Variants in FGFR2 observed in about 807,000 individuals in gnomAD.
FGFR2 encodes BEK fibroblast growth factor receptor.
In FGFR2, 19 loss-of-function variants were observed where a neutral mutation model predicts 95.9. That is an observed-to-expected ratio of 0.20 (90% CI 0.14 to 0.29). The LOEUF (loss-of-function observed/expected upper bound fraction) is 0.29. Among genes scored for constraint, FGFR2 ranks in the 10% least tolerant of loss-of-function variants. FGFR2 has a pLI of 1.00. For synonymous variants in FGFR2, 392 were observed against 393.3 expected, an observed-to-expected ratio of 1.00 and a Z score of 0.04; for missense variants, 707 against 1,056.9, an observed-to-expected ratio of 0.67 and a Z score of 4.59.
chr10:121,551,207 G>GA (rs1855357040), intron 5 of FGFR2, 83 bp downstream of exon 5: 1 of 1,488,036 alleles, frequency 6.7e-7, no homozygotes, highest in South Asian at 1.2e-5. Flanking sequence ...GCGACAGAGC[G>GA]AGACTCCATC....
At chr10:121,525,628 A>G (rs199737819) in intron 6 of FGFR2, among the ~76,000 whole-genome samples, 1 of 5,190 alleles carries the variant, frequency 1.9e-4, no homozygotes, top group Non-Finnish European at 0.018. Context: ...ATTGAGGGAG[A>G]GAGAGAGAGA....
intron 5 of FGFR2, among the ~76,000 whole-genome samples, chr10:121,542,123 CATTAAACAGTT>C (rs1376761623): frequency 2.0e-5 from 3 of 152,036 alleles, no homozygotes; most frequent in Non-Finnish European, 4.4e-5. Flanking sequence ...GGTAAGGTAT[CATTAAACAGTT>C]ATTGATAAAT....
chr10:121,495,455 GAGGTCAAGGC>G (rs1846667073), intron 13 of FGFR2, among the ~76,000 whole-genome samples: 2 of 152,184 alleles, frequency 1.3e-5, no homozygotes, highest in Non-Finnish European at 2.9e-5. Context: ...CTGAACCCAG[GAGGTCAAGGC>G]TGCAGTGAGC....
At chr10:121,583,814 C>T (rs1172381550) in intron 2 of FGFR2, among the ~76,000 whole-genome samples, 1 of 151,804 alleles carries the variant, frequency 6.6e-6, no homozygotes, top group Admixed American at 6.5e-5. Flanking sequence ...TACACCAACA[C>T]ATTCACCCAA....
chr10:121,513,480 G>GA (rs1201914500), intron 9 of FGFR2, among the ~76,000 whole-genome samples: 2 of 152,048 alleles, frequency 1.3e-5, no homozygotes, highest in Non-Finnish European at 2.9e-5. Context: ...AACAGTTGCA[G>GA]AAAAAAAGAT....
At chr10:121,534,091 CTTTTTTTTTTTTT>C (rs1022674124) in intron 6 of FGFR2, among the ~76,000 whole-genome samples, 5 of 92,118 alleles carry the variant, frequency 5.4e-5, no homozygotes, top group Admixed American at 2.9e-4. Flanking sequence ...CCCAAAATGG[CTTTTTTTTTTTTT>C]TTTTTTTTTT....
chr10:121,555,828 GACA>G (rs1386226063), intron 4 of FGFR2, among the ~76,000 whole-genome samples: 2 of 152,140 alleles, frequency 1.3e-5, no homozygotes, highest in African/African-American at 2.4e-5. Flanking sequence ...TTTACTTTAA[GACA>G]ACAGAAGTCT....
intron 15 of FGFR2, 88 bp downstream of exon 15, chr10:121,487,266 G>T: frequency 9.9e-7 from 1 of 1,008,950 alleles, no homozygotes; most frequent in Non-Finnish European, 1.6e-6. Context: ...AAATGCAGCA[G>T]CCACTAAAGA....
rs748000624 is a variant in FGFR2, at chr10:121,518,196, A to G, written c.940-733T>C. The G allele has an allele frequency of 8.1e-5, 25 of 307,840 alleles. 1 individual carries two copies. Among genetic ancestry groups the G allele is most frequent in the Admixed American group, 1.5e-4 (3 of 20,278 alleles). 19.1% of individuals were successfully genotyped at this position (307,840 alleles called of 1,614,324 possible). ...GAGCTCCCCTCAAATTTGGTGCAAC[A>G]AGGTCAAGAACAGCAACTCATAAGG... On this transcript the variant is annotated intron_variant, in intron 7 of 17. Transcript: ENST00000358487. This position sits in a 1 kb window ranked among gnomAD's most constrained non-coding sequence, Gnocchi z 4.0.
intron 9 of FGFR2, among the ~76,000 whole-genome samples, chr10:121,513,070 A>G (rs2134194976): frequency 6.6e-6 from 1 of 152,162 alleles, no homozygotes; most frequent in East Asian, 1.9e-4. Flanking sequence ...AGGTTTCAAC[A>G]TGTTAGTCAG....
chr10:121,577,178 T>TATATATATATAGAGAGAGAGAGAGAGAG, intron 2 of FGFR2, among the ~76,000 whole-genome samples: 1 of 5,214 alleles, frequency 1.9e-4, no homozygotes, highest in Non-Finnish European at 3.3e-4. Flanking sequence ...TATATATATA[T>TATATATATATAGAGAGAGAGAGAGAGAG]AGAGAGAGAG....
intron 9 of FGFR2, among the ~76,000 whole-genome samples, chr10:121,510,954 A>G (rs893807928): frequency 2.6e-5 from 4 of 151,844 alleles, no homozygotes; most frequent in African/African-American, 9.7e-5. Context: ...GGCATGCATC[A>G]CCACACCCAG....
rs753074988 is a variant in FGFR2, at chr10:121,500,811, C to A, written c.1561+15G>T. Reference sequence around the variant, plus strand: ...CCACCCAGCCCCTCCCCGAGCCTCCCGCCTCCCCGCTCACCTTTCAACATC... The same window carrying A: ...CCACCCAGCCCCTCCCCGAGCCTCCAGCCTCCCCGCTCACCTTTCAACATC... On this transcript the variant is annotated intron_variant, in intron 11 of 17. Transcript: ENST00000358487. 1.9e-6 allele frequency: 3 copies of A among 1,613,450 alleles called. No individual in the cohort carries two copies. The highest frequency in any genetic ancestry group is 2.5e-6 in the Non-Finnish European group (3 of 1,180,036).
intron 5 of FGFR2, among the ~76,000 whole-genome samples, chr10:121,547,944 T>C (rs896140289): frequency 1.3e-5 from 2 of 152,196 alleles, no homozygotes; most frequent in East Asian, 1.9e-4. Context: ...GATGATGCCT[T>C]AGGTAACTGA....
intron 5 of FGFR2, among the ~76,000 whole-genome samples, chr10:121,547,574 T>C (rs1454944057): frequency 1.3e-5 from 2 of 151,898 alleles, no homozygotes; most frequent in South Asian, 4.2e-4. Flanking sequence ...GTTTAAATTT[T>C]TTGCAGAAAT....
chr10:121,546,102 C>A (rs1292757793), intron 5 of FGFR2, among the ~76,000 whole-genome samples: 1 of 151,002 alleles, frequency 6.6e-6, no homozygotes. Flanking sequence ...ATTATCTCAG[C>A]CAGCTTCTTG....
chr10:121,526,856 T>C (rs1259205193), intron 6 of FGFR2: 2 of 398,356 alleles, frequency 5.0e-6, no homozygotes, highest in Non-Finnish European at 8.8e-6. Context: ...GGTGTCCGCA[T>C]CTTCTGTCTG....
intron 6 of FGFR2, chr10:121,526,685 C>T (rs1851411858): frequency 2.5e-6 from 1 of 398,452 alleles, no homozygotes; most frequent in Admixed American, 4.4e-5. Context: ...TTGTCACCTC[C>T]TAGAATAGAT....
At chr10:121,585,618 C>T (rs1861703079) in intron 2 of FGFR2, among the ~76,000 whole-genome samples, 1 of 152,168 alleles carries the variant, frequency 6.6e-6, no homozygotes, top group Non-Finnish European at 1.5e-5. Flanking sequence ...GAGATTCAAA[C>T]CTACCTCCCA....
Sources: gnomAD v4.1 joint callset for allele counts (sites outside exome capture counted in the v4.1 genomes callset) on GRCh38, gnomAD v4.1.1 for gene constraint, Gnocchi (gnomAD v3.1) non-coding constraint, MANE v1.5 for transcripts, NCBI Gene and HGNC (gene_info 2026-07-23, HGNC 2026-07-21) for gene names.